Variants in TMIGD1 observed in about 807,000 individuals in gnomAD.
TMIGD1 encodes transmembrane and immunoglobulin domain containing 1, also known as transmembrane and immunoglobulin domain-containing protein 1.
In TMIGD1, 29 loss-of-function variants were observed where a neutral mutation model predicts 27.5. That is an observed-to-expected ratio of 1.05 (90% CI 0.78 to 1.44). TMIGD1 has a LOEUF of 1.44. Ranked by LOEUF, TMIGD1 falls within the 40% of genes most tolerant of loss-of-function variation. TMIGD1 has a pLI of 0.00. For missense variants in TMIGD1, 334 were observed against 310.6 expected (o/e 1.08, Z -0.57); for synonymous variants, 109 against 110.3 (o/e 0.99, Z 0.07).
chr17:30,318,783 C>G (rs188406250), intron 5 of TMIGD1, 27 bp downstream of exon 5: 1 of 1,536,622 alleles, frequency 6.5e-7, no homozygotes, highest in East Asian at 2.3e-5. Flanking sequence ...TGGCTTTTTA[C>G]TTAAATAGCT....
At chr17:30,329,201 G>A in intron 3 of TMIGD1, 50 bp downstream of exon 3, 1 of 1,582,794 alleles carries the variant, frequency 6.3e-7, no homozygotes, top group East Asian at 2.3e-5. Flanking sequence ...ACCACTTCAT[G>A]TGTTACAGAC....
At chr17:30,317,646 G>A (rs556427159) in intron 5 of TMIGD1, among the ~76,000 whole-genome samples, 53 of 151,956 alleles carry the variant, frequency 3.5e-4, no homozygotes, top group African/African-American at 1.2e-3. Context: ...TGTAGTCCCA[G>A]TTACTCTGGA....
intron 3 of TMIGD1, among the ~76,000 whole-genome samples, chr17:30,328,187 A>C (rs950271879): frequency 1.3e-5 from 2 of 151,994 alleles, no homozygotes; most frequent in African/African-American, 4.8e-5. Context: ...GGTGCCTACC[A>C]CCGCACCTGG....
At chr17:30,317,453 A>G (rs1000057764) in intron 5 of TMIGD1, among the ~76,000 whole-genome samples, 2 of 151,844 alleles carry the variant, frequency 1.3e-5, no homozygotes, top group Non-Finnish European at 2.9e-5. Flanking sequence ...TTGAGTATTT[A>G]CTTTTTTATA....
intron 4 of TMIGD1, among the ~76,000 whole-genome samples, chr17:30,321,010 A>G (rs1260912646): frequency 6.6e-6 from 1 of 152,134 alleles, no homozygotes; most frequent in Non-Finnish European, 1.5e-5. Context: ...GGTGTACACC[A>G]CCATGCCCAG....
intron 1 of TMIGD1, 48 bp from the exon 2 acceptor site, chr17:30,332,206 G>A (rs1409374284): frequency 1.8e-6 from 2 of 1,141,648 alleles, no homozygotes; most frequent in Non-Finnish European, 2.6e-6. Flanking sequence ...TCTGCAATGA[G>A]TTCGTGAACC....
chr17:30,319,730 G>A (rs1039896227), intron 4 of TMIGD1, among the ~76,000 whole-genome samples: 4 of 151,920 alleles, frequency 2.6e-5, no homozygotes, highest in Admixed American at 2.6e-4. Context: ...AGAGCTTTCT[G>A]GACTAAGAAG....
intron 6 of TMIGD1, chr17:30,316,975 G>C (rs949657701): frequency 1.6e-5 from 10 of 631,230 alleles, no homozygotes; most frequent in Non-Finnish European, 2.5e-5. Context: ...CTCACTTAAA[G>C]AGGGAGCAGG....
At chr17:30,330,818 A>G (rs1156917030) in intron 2 of TMIGD1, among the ~76,000 whole-genome samples, 1 of 152,236 alleles carries the variant, frequency 6.6e-6, no homozygotes, top group Non-Finnish European at 1.5e-5. Flanking sequence ...CAAAAGCTAA[A>G]AAAGAACTTT....
In TMIGD1 at chr17:30,316,668, CG is replaced by C; in HGVS notation, c.*18del. 1 of 1,613,000 alleles carries C rather than the reference CG, an allele frequency of 6.2e-7. No homozygotes were observed. Among genetic ancestry groups the C allele is most frequent in the Non-Finnish European group, 8.5e-7 (1 of 1,179,436 alleles). On this transcript the variant is annotated 3_prime_UTR_variant, in exon 7 of 7. Coordinates refer to ENST00000328886, the MANE Select transcript of TMIGD1 (RefSeq NM_206832.3). ...CCTGATGCAAAACTCTCTCTGTATTCGATGGCATCTCAGCTTTCTCATCTGA... is the reference window on the plus strand; with the variant it reads ...CCTGATGCAAAACTCTCTCTGTATTCATGGCATCTCAGCTTTCTCATCTGA...
chr17:30,323,084 C>G (rs183207260), intron 4 of TMIGD1, among the ~76,000 whole-genome samples: 143 of 152,226 alleles, frequency 9.4e-4, no homozygotes, highest in South Asian at 4.6e-3. Flanking sequence ...GTGGAAAGAT[C>G]GCTTGAGCCT....
intron 4 of TMIGD1, among the ~76,000 whole-genome samples, chr17:30,319,261 A>AAAAAAAAAATATATATATAT: frequency 1.4e-5 from 1 of 69,044 alleles, no homozygotes; most frequent in Non-Finnish European, 2.6e-5. Context: ...AAAAAAAAAA[A>AAAAAAAAAATATATATATAT]ATATATATAT....
At chr17:30,320,373 G>T (rs1413554305) in intron 4 of TMIGD1, among the ~76,000 whole-genome samples, 1 of 152,054 alleles carries the variant, frequency 6.6e-6, no homozygotes, top group Non-Finnish European at 1.5e-5. Context: ...TAGGCATAGT[G>T]CCTGTGTTTG....
At chr17:30,317,257 T>G (rs756855531) in intron 5 of TMIGD1, 24 bp from the exon 6 acceptor site, 2 of 1,613,864 alleles carry the variant, frequency 1.2e-6, no homozygotes, top group Non-Finnish European at 1.7e-6. Flanking sequence ...TGGCAGTAAA[T>G]TAGCCTGCTT....
At chr17:30,329,191 A>G (rs1909888645) in intron 3 of TMIGD1, 60 bp downstream of exon 3, 2 of 1,568,868 alleles carry the variant, frequency 1.3e-6, no homozygotes, top group African/African-American at 2.7e-5. Context: ...GATTTCAACT[A>G]CCACTTCATG....
At chr17:30,319,261 A>AAAAAAAAAAAAAAAAAAAAAATATATAT in intron 4 of TMIGD1, among the ~76,000 whole-genome samples, 15 of 69,008 alleles carry the variant, frequency 2.2e-4, no homozygotes, top group African/African-American at 7.3e-4. Flanking sequence ...AAAAAAAAAA[A>AAAAAAAAAAAAAAAAAAAAAATATATAT]ATATATATAT....
At chr17:30,328,507 T>G (rs1909860655) in intron 3 of TMIGD1, among the ~76,000 whole-genome samples, 1 of 152,162 alleles carries the variant, frequency 6.6e-6, no homozygotes, top group Admixed American at 6.5e-5. Context: ...ACTAATTTCC[T>G]TAATCTACAA....
At chr17:30,320,041 A>ATT (rs113138908) in intron 4 of TMIGD1, among the ~76,000 whole-genome samples, 13 of 144,786 alleles carry the variant, frequency 9.0e-5, no homozygotes, top group African/African-American at 2.8e-4. Flanking sequence ...ACTGAGAGCT[A>ATT]TTTTTTTTTT....
At chr17:30,326,195 A>G (rs571255180) in intron 3 of TMIGD1, among the ~76,000 whole-genome samples, 5 of 152,350 alleles carry the variant, frequency 3.3e-5, no homozygotes, top group African/African-American at 9.6e-5. Context: ...AGCTGCTGGA[A>G]TAGAGAACAT....
Sources: allele counts gnomAD v4.1 joint callset (sites outside exome capture counted in the v4.1 genomes callset), GRCh38; gene constraint gnomAD v4.1.1; transcripts MANE v1.5; gene names NCBI Gene and HGNC (gene_info 2026-07-23, HGNC 2026-07-21).